ZFP90: variants seen among roughly 807,000 people sequenced by gnomAD.
ZFP90 encodes the protein ZFP90 zinc finger protein, also known as zinc finger protein 90 homolog.
Under a neutral mutation model 60.8 loss-of-function variants are expected in ZFP90, and 38 were observed. The ratio of observed to expected loss-of-function variants is 0.62; its 90% CI spans 0.48 to 0.82. The LOEUF is 0.82. ZFP90 is among the 40% of genes least tolerant of loss of function. The pLI, the probability that ZFP90 is intolerant of heterozygous loss-of-function variation, is 0.00. For missense variants in ZFP90, 711 were observed against 759.1 expected, an observed-to-expected ratio of 0.94 and a Z score of 0.74; for synonymous variants, 287 against 264.8, an observed-to-expected ratio of 1.08 and a Z score of -0.82.
intron 2 of ZFP90, among the ~76,000 whole-genome samples, chr16:68,548,504 T>A (rs57102378): frequency 0.014 from 791 of 55,684 alleles, 15 homozygotes; most frequent in African/African-American, 0.052. Flanking sequence ...TTTTTTTTTT[T>A]ATTGAGACGG....
chr16:68,569,386 C>T (rs1020507578), downstream of ZFP90, among the ~76,000 whole-genome samples: 11 of 150,360 alleles, frequency 7.3e-5, no homozygotes, highest in African/African-American at 2.2e-4. Context: ...CTGCCTGTGT[C>T]GGCCTCCCAA....
upstream of ZFP90, among the ~76,000 whole-genome samples, chr16:68,536,838 C>T (rs1368537020): frequency 6.6e-6 from 1 of 152,170 alleles, no homozygotes; most frequent in Non-Finnish European, 1.5e-5. Context: ...CTCTTATTCT[C>T]TCATAGTAAT....
chr16:68,566,194 G>C lies in ZFP90; in HGVS notation c.*1496G>C. ...GTAAAGCATCAGCTAAGCTTCAGTG[G>C]CCTGCTCCATCCCCTAATGACTCCC... On this transcript the variant is annotated 3_prime_UTR_variant, in exon 5 of 5. Transcript: ENST00000563169. 1.0e-6 allele frequency: 1 copy of C among 985,508 alleles called. No homozygotes were observed. The highest frequency in any genetic ancestry group is 1.2e-6 in the Non-Finnish European group (1 of 829,934). 61.0% of individuals were successfully genotyped at this position (985,508 alleles called of 1,614,324 possible).
intron 2 of ZFP90, among the ~76,000 whole-genome samples, chr16:68,556,741 C>A (rs2091350563): frequency 6.6e-6 from 1 of 152,144 alleles, no homozygotes; most frequent in African/African-American, 2.4e-5. Flanking sequence ...GTGAAAAGAA[C>A]TGGGCAGTGA....
downstream of ZFP90, among the ~76,000 whole-genome samples, chr16:68,571,311 A>G (rs2091566634): frequency 6.6e-6 from 1 of 152,258 alleles, no homozygotes; most frequent in Admixed American, 6.5e-5. Context: ...ATTAAAATTT[A>G]AAATCGCTAT....
Position 68,565,390 on chromosome 16 carries a change from C to T in ZFP90, c.*692C>T. 2.0e-6 allele frequency: 2 copies of T among 985,524 alleles called. No homozygotes were observed. The highest frequency in any genetic ancestry group is 2.4e-6 in the Non-Finnish European group (2 of 829,930). The allele number at this position is 985,524 out of a possible 1,614,324, so 61.0% of individuals were successfully genotyped here. On this transcript the variant is annotated 3_prime_UTR_variant, in exon 5 of 5. Transcript: ENST00000563169. ...CAGATACACAAACATTTAATGGGCA[C>T]CTATGGGTTGGACACTTTGAGAATT... is the stretch of plus-strand genomic sequence containing the variant.
chr16:68,554,816 G>T (rs918084696), intron 2 of ZFP90, among the ~76,000 whole-genome samples: 1 of 152,142 alleles, frequency 6.6e-6, no homozygotes, highest in East Asian at 1.9e-4. Flanking sequence ...AATAAACCAG[G>T]AGGCCATATG....
chr16:68,542,418 C>T (rs1401673024), intron 2 of ZFP90, among the ~76,000 whole-genome samples: 1 of 152,078 alleles, frequency 6.6e-6, no homozygotes, highest in Non-Finnish European at 1.5e-5. Context: ...TGGTGAAACC[C>T]TGTTTCCACT....
intron 2 of ZFP90, among the ~76,000 whole-genome samples, chr16:68,546,713 T>C (rs1027734691): frequency 2.6e-5 from 4 of 152,192 alleles, no homozygotes; most frequent in African/African-American, 9.6e-5. Flanking sequence ...GGATTCATCA[T>C]GTTGGCCAGG....
chr16:68,574,303 C>T (rs1361763826), intron 2 of ZFP90: 2 of 120,802 alleles, frequency 1.7e-5, no homozygotes, highest in African/African-American at 6.3e-5. Context: ...TCATAAAGAA[C>T]AGAGATGCAA....
At position 68,563,859 on chromosome 16, in the gene ZFP90, G is replaced by A. The variant is rs746781410; in HGVS notation, c.1072G>A (p.Val358Ile). The A allele has an allele frequency of 6.2e-7, 1 of 1,613,856 alleles. No individual in the cohort carries two copies. The highest frequency in any genetic ancestry group is 2.2e-5 in the East Asian group (1 of 44,852). The change falls in exon 5 of 5, where the codon GTC becomes ATC. Residue 358 changes from valine (V) to isoleucine (I), a missense_variant. Coordinates refer to ENST00000563169, the MANE Select transcript of ZFP90 (RefSeq NM_001305203.2). ...RHGTSLTQHE[V>I]THSGEKPFQC... ...TGGCACATCCCTCACTCAACACGAG[G>A]TCACACACAGTGGAGAGAAGCCCTT... is the stretch of plus-strand genomic sequence containing the variant.
At chr16:68,538,774 G>A (rs993820734), upstream of ZFP90, among the ~76,000 whole-genome samples, 1 of 151,946 alleles carries the variant, frequency 6.6e-6, no homozygotes, top group African/African-American at 2.4e-5. Flanking sequence ...AAGGGGATAC[G>A]AAGTAATGAA....
chr16:68,573,184 A>G (rs2091576718), intron 2 of ZFP90, among the ~76,000 whole-genome samples: 1 of 152,258 alleles, frequency 6.6e-6, no homozygotes, highest in African/African-American at 2.4e-5. Context: ...GGCAGGAGCC[A>G]TAAGGCTGTG....
At chr16:68,540,008 C>A (rs2152052511) in intron 2 of ZFP90, among the ~76,000 whole-genome samples, 183 bp downstream of exon 2, 1 of 152,282 alleles carries the variant, frequency 6.6e-6, no homozygotes, top group East Asian at 1.9e-4. Flanking sequence ...GGGGAGGCTG[C>A]TCTGTGGGGT....
In ZFP90 at chr16:68,565,570, T is replaced by C; in HGVS notation, c.*872T>C. 2.0e-6 allele frequency: 2 copies of C among 985,606 alleles called. No homozygotes were observed. Among genetic ancestry groups the C allele is most frequent in the Non-Finnish European group, 2.4e-6 (2 of 829,940 alleles). 61.1% of individuals were successfully genotyped at this position (985,606 alleles called of 1,614,324 possible). On this transcript the variant is annotated 3_prime_UTR_variant, in exon 5 of 5. Transcript: ENST00000563169. ...CCTTTTCCCAGTTACAATTATACTT[T>C]CAGCTAACATATGCCAGTTTCACAG...
upstream of ZFP90, among the ~76,000 whole-genome samples, chr16:68,536,370 T>C (rs1299757968): frequency 6.6e-6 from 1 of 152,172 alleles, no homozygotes; most frequent in African/African-American, 2.4e-5. Flanking sequence ...AGTGGCACGA[T>C]CTCAGCTCAC....
At chr16:68,539,548 C>A in intron 1 of ZFP90, 69 bp downstream of exon 1, 1 of 502,384 alleles carries the variant, frequency 2.0e-6, no homozygotes, top group Non-Finnish European at 3.5e-6. Context: ...CACCACCCTG[C>A]GAAGGGGACT....
At chr16:68,546,545 C>T (rs1275639355) in intron 2 of ZFP90, among the ~76,000 whole-genome samples, 2 of 152,182 alleles carry the variant, frequency 1.3e-5, no homozygotes, top group African/African-American at 4.8e-5. Context: ...AAGACGGATT[C>T]TTGCTCTGTC....
At position 68,558,060 on chromosome 16, in the gene ZFP90, C is replaced by A. The variant is rs1177196061; in HGVS notation, c.96C>A (p.Asp32Glu). Residue 32 changes from aspartate to glutamate, a missense_variant, in exon 3 of 5, where the codon GAC becomes GAA. Asp to Glu is a conservative substitution (Grantham distance 45). This residue lies in a region of ZFP90 where 241 missense variants were observed against 247.6 expected (regional missense o/e 0.97). Transcript: ENST00000563169. ...CCCAGGAAGAATGGTACCATGTCGA[C>A]CCTGCTCAGAGGAGCTTATACAGGG... ...DFTQEEWYHV[D>E]PAQRSLYRDV... 1 of 1,613,800 alleles carries A rather than the reference C, an allele frequency of 6.2e-7. No individual in the cohort carries two copies. The highest frequency in any genetic ancestry group is 8.5e-7 in the Non-Finnish European group (1 of 1,179,974).
Sources: gnomAD v4.1 joint callset for allele counts (sites outside exome capture counted in the v4.1 genomes callset) on GRCh38, gnomAD v4.1.1 for gene constraint, gnomAD v4.1.1 regional missense constraint, MANE v1.5 for transcripts, NCBI Gene and HGNC (gene_info 2026-07-23, HGNC 2026-07-21) for gene names.